The following PITPNC1 variants were observed in gnomAD, a reference collection of about 807,000 sequenced individuals.
PITPNC1 encodes the protein phosphatidylinositol transfer protein cytoplasmic 1.
A neutral mutation model predicts 44.7 loss-of-function variants in PITPNC1; 18 were observed. The observed-to-expected ratio is 0.40, with a 90% CI of 0.28 to 0.60. The LOEUF (loss-of-function observed/expected upper bound fraction) is 0.60. Among genes scored for constraint, PITPNC1 ranks in the 20% least tolerant of loss-of-function variants. The probability of loss-of-function intolerance (pLI) is 0.39; values close to 1 mark genes in which losing one functional copy is unlikely to be tolerated. For missense variants in PITPNC1, 290 were observed against 418.4 expected (o/e 0.69, Z 2.68); for synonymous variants, 141 against 149.6 (o/e 0.94, Z 0.42).
chr17:67,692,361 G>A (rs2042943799), intron 8 of PITPNC1, among the ~76,000 whole-genome samples: 1 of 152,072 alleles, frequency 6.6e-6, no homozygotes, highest in East Asian at 1.9e-4. Context: ...ATCTTAAATG[G>A]ATAATCATAA....
intron 1 of PITPNC1, among the ~76,000 whole-genome samples, chr17:67,499,076 G>A (rs892658266): frequency 6.6e-6 from 1 of 152,090 alleles, no homozygotes; most frequent in African/African-American, 2.4e-5. Context: ...GTTTCACCAT[G>A]TTAGCCAGGC....
At chr17:67,438,608 G>T (rs2038969814) in intron 1 of PITPNC1, among the ~76,000 whole-genome samples, 1 of 152,192 alleles carries the variant, frequency 6.6e-6, no homozygotes, top group Non-Finnish European at 1.5e-5. Flanking sequence ...GAGCCACCGT[G>T]CCCAGCTGGG....
chr17:67,530,987 A>G (rs2040453547), intron 1 of PITPNC1, among the ~76,000 whole-genome samples: 1 of 152,214 alleles, frequency 6.6e-6, no homozygotes, highest in Non-Finnish European at 1.5e-5. Flanking sequence ...TCATGCCTGT[A>G]ATCCCAGCAC....
At chr17:67,455,825 G>A (rs1598687491) in intron 1 of PITPNC1, among the ~76,000 whole-genome samples, 2 of 152,106 alleles carry the variant, frequency 1.3e-5, no homozygotes, top group African/African-American at 2.4e-5. Context: ...CCCAGATGAT[G>A]TATGGAGCAC....
intron 1 of PITPNC1, among the ~76,000 whole-genome samples, chr17:67,530,840 T>C (rs1283473515): frequency 6.6e-6 from 1 of 152,206 alleles, no homozygotes; most frequent in Non-Finnish European, 1.5e-5. Context: ...GTAAACTTTT[T>C]CTTATTGTCT....
chr17:67,418,026 C>A lies in PITPNC1; in HGVS notation c.48+39824C>A, dbSNP rs80272359. Among the ~76,000 whole-genome samples, 114 of 152,272 alleles carry A rather than the reference C, an allele frequency of 7.5e-4. 1 individual carries two copies. Among genetic ancestry groups the A allele is most frequent in the Non-Finnish European group, 1.3e-3 (89 of 68,010 alleles). On this transcript the variant is annotated intron_variant, in intron 1 of 8. Coordinates refer to ENST00000581322, the MANE Select transcript of PITPNC1 (RefSeq NM_012417.4). ...CTGTACTCTAGCCTGGGTGACAGAGCAAGACCCTGTCTGGAAGAAAAAAAG... is the reference window on the plus strand; with the variant it reads ...CTGTACTCTAGCCTGGGTGACAGAGAAAGACCCTGTCTGGAAGAAAAAAAG...
chr17:67,446,541 G>C (rs1203960857), intron 1 of PITPNC1, among the ~76,000 whole-genome samples: 1 of 148,448 alleles, frequency 6.7e-6, no homozygotes, highest in East Asian at 2.0e-4. Context: ...TTTAATTTAT[G>C]CTACGAGAAA....
intron 1 of PITPNC1, among the ~76,000 whole-genome samples, chr17:67,475,232 G>A (rs1206924289): frequency 2.6e-5 from 4 of 152,118 alleles, no homozygotes; most frequent in Admixed American, 2.0e-4. Context: ...TGCTTTCTGC[G>A]CGGTTTCTGT....
chr17:67,599,678 C>G (rs1475372069), intron 5 of PITPNC1, among the ~76,000 whole-genome samples: 2 of 152,014 alleles, frequency 1.3e-5, no homozygotes, highest in African/African-American at 4.8e-5. Context: ...TCACTGGTGA[C>G]CTTTATGAAA....
At chr17:67,648,731 C>T (rs370405454) in intron 6 of PITPNC1, among the ~76,000 whole-genome samples, 42 of 152,268 alleles carry the variant, frequency 2.8e-4, no homozygotes, top group Middle Eastern at 3.4e-3. Flanking sequence ...TCTTCCCCTT[C>T]CCTAGGCCCT....
chr17:67,632,078 C>A, intron 5 of PITPNC1, 65 bp from the exon 6 acceptor site: 1 of 970,606 alleles, frequency 1.0e-6, no homozygotes, highest in Non-Finnish European at 1.7e-6. Flanking sequence ...GTTATTCTGC[C>A]TCGGGCACTT....
intron 6 of PITPNC1, among the ~76,000 whole-genome samples, chr17:67,641,653 C>T (rs1281409672): frequency 1.3e-5 from 2 of 151,876 alleles, no homozygotes; most frequent in South Asian, 2.1e-4. Flanking sequence ...AAAAATTAGC[C>T]GGGTGTGATG....
intron 1 of PITPNC1, among the ~76,000 whole-genome samples, chr17:67,519,781 C>T (rs192273018): frequency 1.7e-3 from 255 of 152,304 alleles, no homozygotes; most frequent in Middle Eastern, 3.4e-3. Flanking sequence ...AAGTCTCAAT[C>T]TACATATACA....
rs558064819 is a variant in PITPNC1 at position 67,508,327 on chromosome 17, G to A, written c.49-24475G>A. ...GGGCTGCTGGTTGCCCAGTTTTACG[G>A]TTATTTCTTAATGATGTGCTAAACA... On this transcript the variant is annotated intron_variant, in intron 1 of 8. Coordinates refer to ENST00000581322, the MANE Select transcript of PITPNC1 (RefSeq NM_012417.4). The surrounding 1 kb of genome is among the most constrained non-coding windows in gnomAD (Gnocchi z 4.2). 6.6e-6 allele frequency among the ~76,000 whole-genome samples: 1 copy of A among 152,310 alleles called. No individual in the cohort carries two copies. Among genetic ancestry groups the A allele is most frequent in the Non-Finnish European group, 1.5e-5 (1 of 68,024 alleles).
At chr17:67,609,034 T>A (rs960676465) in intron 5 of PITPNC1, among the ~76,000 whole-genome samples, 1 of 151,604 alleles carries the variant, frequency 6.6e-6, no homozygotes, top group Non-Finnish European at 1.5e-5. Context: ...TTATTTATTT[T>A]TATTTTTTGT....
At chr17:67,685,575 A>ATTAG (rs2042799540) in intron 8 of PITPNC1, among the ~76,000 whole-genome samples, 1 of 150,614 alleles carries the variant, frequency 6.6e-6, no homozygotes, top group Non-Finnish European at 1.5e-5. Context: ...CACTAAGCCA[A>ATTAG]TTAGTGGTCA....
intron 1 of PITPNC1, among the ~76,000 whole-genome samples, chr17:67,422,629 C>T (rs955133597): frequency 1.3e-5 from 2 of 151,472 alleles, no homozygotes; most frequent in Non-Finnish European, 2.9e-5. Context: ...CTCACTGCAA[C>T]CTCTACCTCC....
chr17:67,461,579 A>G (rs945142055), intron 1 of PITPNC1, among the ~76,000 whole-genome samples: 9 of 152,240 alleles, frequency 5.9e-5, no homozygotes, highest in Non-Finnish European at 1.2e-4. Flanking sequence ...AATCAGAATC[A>G]GTGTCATTGA....
rs574081858 is a variant in PITPNC1, at chr17:67,379,243, A to G, written c.48+1041A>G. 1.8e-5 allele frequency: 18 copies of G among 985,728 alleles called. No individual in the cohort carries two copies. The South Asian group carries it at 8.5e-4, about 46-fold the overall frequency. The allele number at this position is 985,728 out of a possible 1,614,324, so 61.1% of individuals were successfully genotyped here. A position where few individuals can be genotyped will look rare whatever the true frequency, so the allele number is the denominator to read the frequency against. On this transcript the variant is annotated intron_variant, in intron 1 of 8. Coordinates refer to ENST00000581322, the MANE Select transcript of PITPNC1 (RefSeq NM_012417.4). ...GCCACCCAGACCGTCTTTATATTTA[A>G]ATCTGGTGCCTCGAAACTATCAGAT...
Sources: gnomAD v4.1 joint callset for allele counts (sites outside exome capture counted in the v4.1 genomes callset) on GRCh38, gnomAD v4.1.1 for gene constraint, Gnocchi (gnomAD v3.1) non-coding constraint, MANE v1.5 for transcripts, NCBI Gene and HGNC (gene_info 2026-07-23, HGNC 2026-07-21) for gene names.